ANXA8: variants seen among roughly 807,000 people sequenced by gnomAD.
ANXA8 encodes annexin A8, also known as VAC-beta.
ANXA8 carries 9 observed loss-of-function variants against 26.8 expected under a neutral mutation model. The observed-to-expected ratio is 0.34, with a 90% confidence interval of 0.20 to 0.59. The LOEUF (loss-of-function observed/expected upper bound fraction) is 0.59. Among genes scored for constraint, ANXA8 ranks in the 20% least tolerant of loss-of-function variants. The pLI, the probability that ANXA8 is intolerant of heterozygous loss-of-function variation, is 0.84. For synonymous variants in ANXA8, 39 were observed against 94.8 expected (o/e 0.41, Z 3.42); for missense variants, 83 against 238.5 (o/e 0.35, Z 4.29).
intron 1 of ANXA8, among the ~76,000 whole-genome samples, chr10:47,483,696 C>T (rs1839935824): frequency 6.8e-6 from 1 of 147,872 alleles, no homozygotes; most frequent in Non-Finnish European, 1.5e-5. Flanking sequence ...CTTCATCAGC[C>T]TGTCTCCCGG....
chr10:47,632,241 A>C, the ANXA8 span, among the ~76,000 whole-genome samples: 2 of 150,622 alleles, frequency 1.3e-5, no homozygotes, highest in East Asian at 3.9e-4. Flanking sequence ...AAAATAATAG[A>C]ATTAAAAATA....
At chr10:47,546,384 C>A in the ANXA8 span, among the ~76,000 whole-genome samples, 1 of 114,130 alleles carries the variant, frequency 8.8e-6, no homozygotes, top group Non-Finnish European at 1.7e-5. Context: ...AAAATATAAG[C>A]AGATAAGACC....
chr10:47,658,976 A>G, the ANXA8 span, among the ~76,000 whole-genome samples: 1 of 149,238 alleles, frequency 6.7e-6, no homozygotes, highest in Non-Finnish European at 1.5e-5. Context: ...GGTTCATGCC[A>G]TTCTCCTGCC....
At chr10:47,550,056 G>A in the ANXA8 span, among the ~76,000 whole-genome samples, 2 of 151,876 alleles carry the variant, frequency 1.3e-5, no homozygotes, top group South Asian at 2.1e-4. Context: ...GGTTGAGGCT[G>A]CAGTGAGCTG....
At chr10:47,639,314 ATTT>A in the ANXA8 span, among the ~76,000 whole-genome samples, 28 of 75,352 alleles carry the variant, frequency 3.7e-4, no homozygotes, top group East Asian at 1.1e-3. Flanking sequence ...TATTATTATT[ATTT>A]TTTTTTTTTT....
At chr10:47,603,522 T>A in the ANXA8 span, among the ~76,000 whole-genome samples, 1 of 145,998 alleles carries the variant, frequency 6.8e-6, no homozygotes, top group Non-Finnish European at 1.5e-5. Context: ...TTACTTTTTT[T>A]TTTTTTTGAG....
At chr10:47,736,355 C>T in the ANXA8 span, among the ~76,000 whole-genome samples, 10 of 67,644 alleles carry the variant, frequency 1.5e-4, no homozygotes, top group East Asian at 3.4e-3. Flanking sequence ...TAAATGGGAC[C>T]ATTCCATATA....
At chr10:47,645,760 A>G in the ANXA8 span, among the ~76,000 whole-genome samples, 1 of 150,106 alleles carries the variant, frequency 6.7e-6, no homozygotes, top group East Asian at 1.9e-4. Context: ...GAAGAGGATC[A>G]TCCTCACCAA....
chr10:47,687,937 T>TA, the ANXA8 span, among the ~76,000 whole-genome samples: 2 of 151,724 alleles, frequency 1.3e-5, no homozygotes, highest in East Asian at 1.9e-4. Flanking sequence ...CCATCTCTAC[T>TA]AAAAAAACTA....
At chr10:47,980,010 A>G in the ANXA8 span, among the ~76,000 whole-genome samples, 1 of 151,324 alleles carries the variant, frequency 6.6e-6, no homozygotes, top group Non-Finnish European at 1.5e-5. Context: ...GAAAACACAT[A>G]CATGTATATT....
the ANXA8 span, among the ~76,000 whole-genome samples, chr10:47,720,913 G>A: frequency 1.3e-4 from 18 of 140,062 alleles, 2 homozygotes; most frequent in South Asian, 2.2e-4. Context: ...TTGGGAGGCC[G>A]TGGTGGGGGG....
At chr10:47,484,676 G>A (rs1202172181), upstream of ANXA8, 569 of 928,256 alleles carry the variant, frequency 6.1e-4, 11 homozygotes, top group South Asian at 9.5e-3. Context: ...AGGATGTGTG[G>A]TTAGTGGAGC....
the ANXA8 span, among the ~76,000 whole-genome samples, chr10:47,664,472 G>A: frequency 4.6e-5 from 7 of 151,672 alleles, no homozygotes; most frequent in African/African-American, 1.7e-4. Flanking sequence ...GGAGGCTGAG[G>A]CAGGAGAATC....
chr10:47,980,033 A>T, the ANXA8 span, among the ~76,000 whole-genome samples: 1 of 150,762 alleles, frequency 6.6e-6, no homozygotes, highest in Non-Finnish European at 1.5e-5. Flanking sequence ...TCCATAAAAC[A>T]AAATGCAGTA....
chr10:47,563,865 G>C, the ANXA8 span, among the ~76,000 whole-genome samples: 1 of 151,786 alleles, frequency 6.6e-6, no homozygotes, highest in Non-Finnish European at 1.5e-5. Context: ...TTTTTTTACG[G>C]GAGGGATTTT....
the ANXA8 span, among the ~76,000 whole-genome samples, chr10:47,701,972 G>A: frequency 1.2e-3 from 187 of 150,640 alleles, 2 homozygotes; most frequent in Non-Finnish European, 2.1e-3. Flanking sequence ...GTACATAAAT[G>A]CTGCAATCTA....
the ANXA8 span, among the ~76,000 whole-genome samples, chr10:47,546,465 T>A: frequency 2.4e-5 from 3 of 125,542 alleles, 1 homozygote; most frequent in African/African-American, 6.1e-5. Flanking sequence ...TGCAGTGGCT[T>A]GATCTCGGCT....
chr10:47,607,306 T>C, the ANXA8 span, among the ~76,000 whole-genome samples: 1 of 129,336 alleles, frequency 7.7e-6, no homozygotes, highest in Non-Finnish European at 1.6e-5. Flanking sequence ...ATATATTAAT[T>C]TTATTTAAAT....
At chr10:47,682,033 C>A in the ANXA8 span, among the ~76,000 whole-genome samples, 7 of 150,992 alleles carry the variant, frequency 4.6e-5, no homozygotes, top group Admixed American at 4.0e-4. Flanking sequence ...ACAGACCTGG[C>A]GGCCATGATC....
Sources: allele counts gnomAD v4.1 joint callset (sites outside exome capture counted in the v4.1 genomes callset), GRCh38; gene constraint gnomAD v4.1.1; transcripts MANE v1.5; gene names NCBI Gene and HGNC (gene_info 2026-07-23, HGNC 2026-07-21).